DGKI: variants seen among roughly 807,000 people sequenced by gnomAD.
The protein encoded by DGKI is diacylglycerol kinase iota, also known as DAG kinase iota.
A neutral mutation model predicts 147.5 loss-of-function variants in DGKI; 55 were observed. That is an observed-to-expected ratio of 0.37 (90% CI 0.30 to 0.47). DGKI has a LOEUF of 0.47. Among genes scored for constraint, DGKI ranks in the 20% least tolerant of loss-of-function variants. The pLI is 1.00. For synonymous variants in DGKI, 469 were observed against 477.1 expected (o/e 0.98, Z 0.22); for missense variants, 1,007 against 1,323.8 (o/e 0.76, Z 3.71).
chr7:137,808,635 G>A (rs1797457548), intron 1 of DGKI, among the ~76,000 whole-genome samples: 2 of 152,154 alleles, frequency 1.3e-5, no homozygotes, highest in Admixed American at 6.5e-5. Flanking sequence ...TAATAATGTA[G>A]GTCAATGCAA....
rs770754059 is a variant in DGKI, at chr7:137,609,062, C to T, written c.1071G>A (p.Gln357=). 7.4e-6 allele frequency: 12 copies of T among 1,612,566 alleles called. 1 individual carries two copies. The South Asian group carries it at 1.1e-4, about 15-fold the overall frequency. The change falls in exon 10 of 33, where the codon CAG becomes CAA. Residue 357 remains glutamine (Q), a splice_region_variant and synonymous_variant. Transcript: ENST00000614521. ...KRKASKRGME[Q]ENKGRPFVIK... ...TCACAAAAGGACGACCTTTGTTTTC[C>T]TGCTGAAAGAAGCAATCAGCACTGT...
At chr7:137,406,046 G>T (rs1383446805) in intron 30 of DGKI, among the ~76,000 whole-genome samples, 1 of 152,092 alleles carries the variant, frequency 6.6e-6, no homozygotes, top group African/African-American at 2.4e-5. Flanking sequence ...CAAATAGATG[G>T]CCAGTGTCTC....
chr7:137,845,984 G>A (rs1201779057), intron 1 of DGKI, among the ~76,000 whole-genome samples: 3 of 152,158 alleles, frequency 2.0e-5, no homozygotes, highest in African/African-American at 7.2e-5. Context: ...AGTGATCTCA[G>A]CTGTCAAGTT....
chr7:137,714,860 T>C (rs1794329507), intron 1 of DGKI, among the ~76,000 whole-genome samples: 1 of 152,232 alleles, frequency 6.6e-6, no homozygotes, highest in Non-Finnish European at 1.5e-5. Context: ...GTGTCCCTCA[T>C]GAATCCACAT....
chr7:137,627,332 G>C (rs1328988516), intron 6 of DGKI, among the ~76,000 whole-genome samples: 1 of 152,154 alleles, frequency 6.6e-6, no homozygotes, highest in African/African-American at 2.4e-5. Context: ...ATCTCTCAAT[G>C]GAACTGTAAG....
intron 1 of DGKI, among the ~76,000 whole-genome samples, chr7:137,811,244 A>C (rs1797558769): frequency 6.6e-6 from 1 of 152,176 alleles, no homozygotes; most frequent in African/African-American, 2.4e-5. Flanking sequence ...ATGATATTAC[A>C]CAGGAAGAGT....
At chr7:137,613,737 T>C (rs1272185926) in intron 8 of DGKI, among the ~76,000 whole-genome samples, 1 of 152,124 alleles carries the variant, frequency 6.6e-6, no homozygotes, top group African/African-American at 2.4e-5. Flanking sequence ...CTAGGATATA[T>C]CCACAGCATG....
chr7:137,760,488 A>T (rs534886306), intron 1 of DGKI, among the ~76,000 whole-genome samples: 1 of 152,146 alleles, frequency 6.6e-6, no homozygotes, highest in Non-Finnish European at 1.5e-5. Flanking sequence ...AAAGGAAAGA[A>T]CAGCAATCAC....
At chr7:137,500,015 A>G (rs1816114110) in intron 21 of DGKI, among the ~76,000 whole-genome samples, 1 of 152,134 alleles carries the variant, frequency 6.6e-6, no homozygotes, top group African/African-American at 2.4e-5. Context: ...TTTAGAAATA[A>G]ATGTCTGTTA....
At chr7:137,463,369 C>T (rs1386160367) in intron 27 of DGKI, 120 bp downstream of exon 27, 2 of 1,398,162 alleles carry the variant, frequency 1.4e-6, no homozygotes, top group African/African-American at 2.9e-5. Context: ...GTAGCACCTG[C>T]ATGAGACAGC....
At chr7:137,501,413 T>C (rs528417269) in intron 21 of DGKI, among the ~76,000 whole-genome samples, 2 of 152,262 alleles carry the variant, frequency 1.3e-5, no homozygotes, top group South Asian at 2.1e-4. Context: ...GATCATATGG[T>C]TAATCTATCT....
chr7:137,680,442 C>T (rs188022815), intron 2 of DGKI, among the ~76,000 whole-genome samples: 95 of 152,316 alleles, frequency 6.2e-4, no homozygotes, highest in African/African-American at 2.0e-3. Flanking sequence ...AGTGTCCACA[C>T]GATAGCCCTT....
At chr7:137,790,657 C>T (rs1311923353) in intron 1 of DGKI, among the ~76,000 whole-genome samples, 1 of 152,142 alleles carries the variant, frequency 6.6e-6, no homozygotes, top group Non-Finnish European at 1.5e-5. Flanking sequence ...GACGTGGATG[C>T]GGCTGGTGAA....
At chr7:137,749,165 G>T (rs1795426434) in intron 1 of DGKI, among the ~76,000 whole-genome samples, 1 of 152,252 alleles carries the variant, frequency 6.6e-6, no homozygotes. Flanking sequence ...AGTAAAACCA[G>T]ATTCTTAAGA....
intron 28 of DGKI, among the ~76,000 whole-genome samples, chr7:137,426,677 C>T (rs10267280): frequency 0.41 from 61,378 of 151,300 alleles, 13,011 homozygotes; most frequent in East Asian, 0.74. Flanking sequence ...GTGACACACA[C>T]AGGCTCAAAA....
chr7:137,496,814 C>T (rs1278055142), intron 21 of DGKI, among the ~76,000 whole-genome samples: 3 of 152,112 alleles, frequency 2.0e-5, no homozygotes, highest in Non-Finnish European at 4.4e-5. Context: ...GGATTAAAGA[C>T]TTAAATGTAA....
At chr7:137,828,772 A>G (rs1440526547) in intron 1 of DGKI, among the ~76,000 whole-genome samples, 1 of 152,250 alleles carries the variant, frequency 6.6e-6, no homozygotes, top group South Asian at 2.1e-4. Context: ...TCCCCTAGGA[A>G]TCAGGGGAGC....
intron 28 of DGKI, among the ~76,000 whole-genome samples, chr7:137,429,740 G>A (rs1302499461): frequency 1.6e-4 from 23 of 141,478 alleles, no homozygotes; most frequent in Non-Finnish European, 2.2e-4. Context: ...AAAAGTGGGC[G>A]AAGGACATGA....
Position 137,490,393 on chromosome 7 carries a change from A to T in DGKI, c.2249-2704T>A, listed in dbSNP as rs780985580. On this transcript the variant is annotated intron_variant, in intron 21 of 32. Transcript: ENST00000614521. ...ATATTTAAAAATAAATTATCAAAACATCAATTTTTATTCTCCCTTACTCTT... is the reference window on the plus strand; with the variant it reads ...ATATTTAAAAATAAATTATCAAAACTTCAATTTTTATTCTCCCTTACTCTT... Among the ~76,000 whole-genome samples, 78 of 152,172 alleles carry T rather than the reference A, an allele frequency of 5.1e-4. 1 individual carries two copies. Among genetic ancestry groups the T allele is most frequent in the Non-Finnish European group, 1.0e-4 (7 of 68,024 alleles).
Sources: gnomAD v4.1 joint callset for allele counts (sites outside exome capture counted in the v4.1 genomes callset) on GRCh38, gnomAD v4.1.1 for gene constraint, MANE v1.5 for transcripts, NCBI Gene and HGNC (gene_info 2026-07-23, HGNC 2026-07-21) for gene names.